RNF144B: variants seen among roughly 807,000 people sequenced by gnomAD.
The protein encoded by RNF144B is E3 ubiquitin-protein ligase RNF144B.
Under a neutral mutation model 40.2 loss-of-function variants are expected in RNF144B, and 25 were observed. That is an observed-to-expected ratio of 0.62 (90% CI 0.45 to 0.87). The LOEUF (loss-of-function observed/expected upper bound fraction) is 0.87, where lower values mean the gene tolerates loss of function less well. Among genes scored for constraint, RNF144B ranks in the 40% least tolerant of loss-of-function variants. The probability of loss-of-function intolerance (pLI) is 0.00; values close to 1 mark genes in which losing one functional copy is unlikely to be tolerated. For missense variants in RNF144B, 365 were observed against 373.7 expected (o/e 0.98, Z 0.19); for synonymous variants, 145 against 136.3 (o/e 1.06, Z -0.44).
In RNF144B at chr6:18,438,715, A is replaced by G. The variant is rs1367298413; in HGVS notation, c.271-969A>G. On this transcript the variant is annotated intron_variant, in intron 3 of 7. Coordinates refer to ENST00000259939, the MANE Select transcript of RNF144B (RefSeq NM_182757.4). The stretch of plus-strand genomic sequence containing the variant: ...AGATGTCCTTTCCTTAGTTGCAAGA[A>G]CGTCAATGTAGGTGTGTTTTGTGCC... 2.6e-5 allele frequency among the ~76,000 whole-genome samples: 4 copies of G among 152,130 alleles called. No homozygotes were observed. The East Asian group carries it at 5.8e-4, about 22-fold the overall frequency.
Position 18,457,315 on chromosome 6 carries a change from C to T in RNF144B, c.492C>T (p.Val164=). 5 of 1,614,170 alleles carry T rather than the reference C, an allele frequency of 3.1e-6. 1 individual carries two copies. The South Asian group carries it at 5.5e-5, about 18-fold the overall frequency. ...SCCKDAWHAE[V]SCRDSQPIVL... is the part of the protein sequence containing the mutation. Reference sequence around the variant, plus strand: ...GCAAGGATGCTTGGCATGCAGAGGTCTCCTGTAGAGACAGTCAGCCTATTG... The same window carrying T: ...GCAAGGATGCTTGGCATGCAGAGGTTTCCTGTAGAGACAGTCAGCCTATTG... The change falls in exon 5 of 8, where the codon GTC becomes GTT. Residue 164 remains valine (V), a synonymous_variant. Transcript: ENST00000259939. The surrounding 1 kb of genome is among the most constrained non-coding windows in gnomAD (Gnocchi z 5.1).
chr6:18,391,924 C>T (rs958768091), intron 1 of RNF144B, among the ~76,000 whole-genome samples: 2 of 134,184 alleles, frequency 1.5e-5, no homozygotes, highest in Non-Finnish European at 1.6e-5. Flanking sequence ...AAGGGCCAGG[C>T]GCGGTGACTT....
In RNF144B at chr6:18,398,352, C is replaced by T. The variant is rs1301426360; in HGVS notation, c.-36-1147C>T. Among the ~76,000 whole-genome samples, 1 of 151,902 alleles carries T rather than the reference C, an allele frequency of 6.6e-6. No homozygotes were observed. The highest frequency in any genetic ancestry group is 1.5e-5 in the Non-Finnish European group (1 of 67,958). ...TTTATTCCACTGTATATATAGACCA[C>T]ATTTTGTTTGTTCTTCTGTCTTTTT... On this transcript the variant is annotated intron_variant, in intron 1 of 7. Transcript: ENST00000259939. This position sits in a 1 kb window ranked among gnomAD's most constrained non-coding sequence, Gnocchi z 5.0.
In RNF144B at chr6:18,425,723, A is replaced by G. The variant is rs9477742; in HGVS notation, c.166-1858A>G. Among the ~76,000 whole-genome samples the G allele has an allele frequency of 0.032, 4,805 of 152,286 alleles. 146 individuals carry two copies. Among genetic ancestry groups the G allele is most frequent in the African/African-American group, 0.075 (3,105 of 41,550 alleles). The stretch of plus-strand genomic sequence containing the variant: ...CCAGATACCTTTTATTCCTGAATTT[A>G]TACTAAATCATGAGCATTTGTGCAT... On this transcript the variant is annotated intron_variant, in intron 2 of 7. Transcript: ENST00000259939. This position sits in a 1 kb window ranked among gnomAD's most constrained non-coding sequence, Gnocchi z 4.2.
chr6:18,409,454 C>T (rs921052635), intron 2 of RNF144B, among the ~76,000 whole-genome samples: 4 of 138,680 alleles, frequency 2.9e-5, no homozygotes, highest in Non-Finnish European at 4.6e-5. Flanking sequence ...CATACTTTAA[C>T]ATATCTTACC....
At chr6:18,430,124 A>AAT (rs1758661034) in intron 3 of RNF144B, among the ~76,000 whole-genome samples, 1 of 152,204 alleles carries the variant, frequency 6.6e-6, no homozygotes, top group South Asian at 2.1e-4. Context: ...TGTGCTGACT[A>AAT]ATCCAGTAGC....
chr6:18,463,093 G>A (rs953695025), intron 6 of RNF144B, among the ~76,000 whole-genome samples, 198 bp from the exon 7 acceptor site: 8 of 149,414 alleles, frequency 5.4e-5, no homozygotes, highest in South Asian at 2.1e-4. Context: ...ATTGAGATTC[G>A]TATTGATTAT....
chr6:18,465,161 C>A lies in RNF144B; in HGVS notation c.*94C>A. On this transcript the variant is annotated 3_prime_UTR_variant, in exon 8 of 8. Coordinates refer to ENST00000259939, the MANE Select transcript of RNF144B (RefSeq NM_182757.4). ...AGTGACCTTGCCTCCTTCTCCTTGC[C>A]AACTTTGAAAGTGCCTCCGTGTCCA... The A allele has an allele frequency of 7.4e-7, 1 of 1,357,928 alleles. No homozygotes were observed. The highest frequency in any genetic ancestry group is 1.0e-6 in the Non-Finnish European group (1 of 985,834). The allele number at this position is 1,357,928 out of a possible 1,614,324, so 84.1% of individuals were successfully genotyped here.
chr6:18,465,620 T>C lies in RNF144B; in HGVS notation c.*553T>C, dbSNP rs1290206071. 2 of 152,626 alleles carry C rather than the reference T, an allele frequency of 1.3e-5. No individual in the cohort carries two copies. Among genetic ancestry groups the C allele is most frequent in the African/African-American group, 4.8e-5 (2 of 41,456 alleles). 9.5% of individuals were successfully genotyped at this position (152,626 alleles called of 1,614,324 possible). On this transcript the variant is annotated 3_prime_UTR_variant, in exon 8 of 8. Transcript: ENST00000259939. ...CCTCTGCTGGCTACTGGGTGTGCTG[T>C]CCCCATGTTCCCGCTGTGATTTGGC...
At position 18,444,577 on chromosome 6, in the gene RNF144B, A is replaced by G. The variant is rs1025371927; in HGVS notation, c.331+4833A>G. Among the ~76,000 whole-genome samples the G allele has an allele frequency of 6.6e-6, 1 of 151,856 alleles. No individual in the cohort carries two copies. The highest frequency in any genetic ancestry group is 2.4e-5 in the African/African-American group (1 of 41,304). On this transcript the variant is annotated intron_variant, in intron 4 of 7. Transcript: ENST00000259939. The surrounding 1 kb of genome is among the most constrained non-coding windows in gnomAD (Gnocchi z 4.3). ...CTGCAAGTTGCTTCCGTTCCTTGCT[A>G]GGTTGATGTATCTGTTCTTGAATAT...
rs1181260908 is a variant in RNF144B at position 18,419,407 on chromosome 6, T to C, written c.166-8174T>C. Among the ~76,000 whole-genome samples the C allele has an allele frequency of 2.0e-5, 3 of 152,168 alleles. No individual in the cohort carries two copies. The highest frequency in any genetic ancestry group is 2.1e-4 in the South Asian group (1 of 4,830). ...GGCAGTGGACTAGCACAACTGGTTC[T>C]ATATAGCAAATGAGGCGACCCAGGA... On this transcript the variant is annotated intron_variant, in intron 2 of 7. Coordinates refer to ENST00000259939, the MANE Select transcript of RNF144B (RefSeq NM_182757.4). The surrounding 1 kb of genome is among the most constrained non-coding windows in gnomAD (Gnocchi z 4.6).
rs528674875 is a variant in RNF144B, at chr6:18,394,465, G to A, written c.-36-5034G>A. 2.6e-5 allele frequency among the ~76,000 whole-genome samples: 4 copies of A among 152,194 alleles called. No individual in the cohort carries two copies. In the South Asian group the frequency reaches 8.3e-4, roughly 32 times the overall value. On this transcript the variant is annotated intron_variant, in intron 1 of 7. Coordinates refer to ENST00000259939, the MANE Select transcript of RNF144B (RefSeq NM_182757.4). ...ATACAAAAATTAGCCCGGCGTGGTG[G>A]TGGGCACCTGAAATCCCATCTACTT... is the stretch of plus-strand genomic sequence containing the variant.
chr6:18,410,840 A>G lies in RNF144B; in HGVS notation c.165+11141A>G, dbSNP rs1327855988. 1.3e-5 allele frequency among the ~76,000 whole-genome samples: 2 copies of G among 152,166 alleles called. No individual in the cohort carries two copies. The highest frequency in any genetic ancestry group is 2.9e-5 in the Non-Finnish European group (2 of 68,034). ...GGCAGGCTGAAGCAGAGCTCGGAGA[A>G]CAATGTCCTTATCAACTTAGGATAC... On this transcript the variant is annotated intron_variant, in intron 2 of 7. Transcript: ENST00000259939. This position sits in a 1 kb window ranked among gnomAD's most constrained non-coding sequence, Gnocchi z 4.6.
rs750933199 is a variant in RNF144B, at chr6:18,456,377, C to A, written c.332-778C>A. 9.2e-5 allele frequency among the ~76,000 whole-genome samples: 14 copies of A among 152,156 alleles called. No individual in the cohort carries two copies. The highest frequency in any genetic ancestry group is 2.1e-4 in the Non-Finnish European group (14 of 68,020). On this transcript the variant is annotated intron_variant, in intron 4 of 7. Coordinates refer to ENST00000259939, the MANE Select transcript of RNF144B (RefSeq NM_182757.4). This position sits in a 1 kb window ranked among gnomAD's most constrained non-coding sequence, Gnocchi z 4.7. ...ATTTTCTTCCTTGTTCTTTAATTTC[C>A]TGGGAATGTGGAAGAAACCTCACTA...
chr6:18,439,739 A>G lies in RNF144B; in HGVS notation c.326A>G (p.Glu109Gly), dbSNP rs748017554. 6.2e-7 allele frequency: 1 copy of G among 1,605,586 alleles called. No individual in the cohort carries two copies. Among genetic ancestry groups the G allele is most frequent in the Admixed American group, 1.7e-5 (1 of 59,968 alleles). The change falls in exon 4 of 8, where the codon GAA becomes GGA. Residue 109 changes from glutamate (E) to glycine (G), a missense_variant. Physicochemically the swap from Glu to Gly is moderately conservative, Grantham distance 98. Coordinates refer to ENST00000259939, the MANE Select transcript of RNF144B (RefSeq NM_182757.4). ...QFQLYQRLKF[E>G]REVHLDPYRT... is the part of the protein sequence containing the mutation. Reference sequence around the variant, plus strand: ...CAACTTTATCAGAGGTTAAAATTTGAAAGAGGTATGAACTCTTCTTTTTTT... The same window carrying G: ...CAACTTTATCAGAGGTTAAAATTTGGAAGAGGTATGAACTCTTCTTTTTTT...
In RNF144B at chr6:18,456,062, A is replaced by G. The variant is rs1335541055; in HGVS notation, c.332-1093A>G. The stretch of plus-strand genomic sequence containing the variant: ...CTCAGCCTGCCAAGTAGCTGGGACT[A>G]CAGGCACCCGCCACCATGCCCGGCT... On this transcript the variant is annotated intron_variant, in intron 4 of 7. Coordinates refer to ENST00000259939, the MANE Select transcript of RNF144B (RefSeq NM_182757.4). This position sits in a 1 kb window ranked among gnomAD's most constrained non-coding sequence, Gnocchi z 4.7. Among the ~76,000 whole-genome samples the G allele has an allele frequency of 6.6e-6, 1 of 152,140 alleles. No individual in the cohort carries two copies. The highest frequency in any genetic ancestry group is 1.5e-5 in the Non-Finnish European group (1 of 68,028).
chr6:18,440,216 G>A (rs1213039459), intron 4 of RNF144B, among the ~76,000 whole-genome samples: 1 of 152,054 alleles, frequency 6.6e-6, no homozygotes, highest in African/African-American at 2.4e-5. Context: ...TCATTCTTGT[G>A]CAATTTACAA....
chr6:18,441,423 C>T lies in RNF144B; in HGVS notation c.331+1679C>T, dbSNP rs571310336. Among the ~76,000 whole-genome samples the T allele has an allele frequency of 4.6e-5, 7 of 152,252 alleles. No homozygotes were observed. In the East Asian group the frequency reaches 1.4e-3, roughly 29 times the overall value. On this transcript the variant is annotated intron_variant, in intron 4 of 7. Transcript: ENST00000259939. This position sits in a 1 kb window ranked among gnomAD's most constrained non-coding sequence, Gnocchi z 4.9. ...TCCTACTCAGTCACTGGAGCTCAGT[C>T]TATTTACAGTATTCTCATGCCTCCA...
intron 2 of RNF144B, among the ~76,000 whole-genome samples, chr6:18,413,918 T>C (rs1218095995): frequency 6.6e-6 from 1 of 152,188 alleles, no homozygotes; most frequent in East Asian, 1.9e-4. Context: ...GTTTATGGTA[T>C]TGATAACCTT....
Sources: gnomAD v4.1 joint callset for allele counts (sites outside exome capture counted in the v4.1 genomes callset) on GRCh38, gnomAD v4.1.1 for gene constraint, Gnocchi (gnomAD v3.1) non-coding constraint, MANE v1.5 for transcripts, NCBI Gene and HGNC (gene_info 2026-07-23, HGNC 2026-07-21) for gene names.